CELF4: variants seen among roughly 807,000 people sequenced by gnomAD.
The protein encoded by CELF4 is CUGBP Elav-like family member 4.
In CELF4, 18 loss-of-function variants were observed where a neutral mutation model predicts 59.9. The observed-to-expected ratio is 0.30, with a 90% confidence interval of 0.21 to 0.45. The LOEUF (loss-of-function observed/expected upper bound fraction) is 0.45, where lower values mean the gene tolerates loss of function less well. Among genes scored for constraint, CELF4 ranks in the 20% least tolerant of loss-of-function variants. CELF4 has a pLI of 1.00. For synonymous variants in CELF4, 261 were observed against 267.1 expected, an observed-to-expected ratio of 0.98 and a Z score of 0.22; for missense variants, 456 against 689.0, an observed-to-expected ratio of 0.66 and a Z score of 3.79.
chr18:37,291,038 T>C (rs1262609361), intron 3 of CELF4, among the ~76,000 whole-genome samples: 1 of 152,142 alleles, frequency 6.6e-6, no homozygotes, highest in Non-Finnish European at 1.5e-5. Context: ...GCCTCTTGAG[T>C]AGCTGGGATT....
At chr18:37,485,670 CT>C in intron 1 of CELF4, 63 bp from the exon 2 acceptor site, 1 of 1,117,344 alleles carries the variant, frequency 8.9e-7, no homozygotes. Context: ...CCGACGCGCC[CT>C]GCCGCCCGCC....
intron 2 of CELF4, among the ~76,000 whole-genome samples, chr18:37,466,246 G>C (rs1212356346): frequency 2.0e-5 from 3 of 152,242 alleles, no homozygotes; most frequent in Admixed American, 2.0e-4. Flanking sequence ...GAGATGTTCC[G>C]AAGGAAGTGG....
chr18:37,564,999 C>A (rs1036381973), intron 1 of CELF4, among the ~76,000 whole-genome samples: 12 of 152,000 alleles, frequency 7.9e-5, no homozygotes, highest in African/African-American at 2.7e-4. Flanking sequence ...CGAGTCCGTC[C>A]GCTCAGCGTC....
chr18:37,285,758 G>A (rs985757142), intron 3 of CELF4, among the ~76,000 whole-genome samples: 1 of 152,188 alleles, frequency 6.6e-6, no homozygotes, highest in Non-Finnish European at 1.5e-5. Flanking sequence ...GGACACCACA[G>A]TGGCTCTATG....
At chr18:37,292,208 T>A (rs1243104044) in intron 3 of CELF4, among the ~76,000 whole-genome samples, 1 of 152,214 alleles carries the variant, frequency 6.6e-6, no homozygotes, top group Non-Finnish European at 1.5e-5. Flanking sequence ...GTTTATGGTA[T>A]TTTTGTTATA....
intron 2 of CELF4, among the ~76,000 whole-genome samples, chr18:37,337,280 C>T (rs533327723): frequency 6.6e-6 from 1 of 152,264 alleles, no homozygotes; most frequent in South Asian, 2.1e-4. Context: ...GACCCACTGC[C>T]TCCCATGGTG....
intron 2 of CELF4, among the ~76,000 whole-genome samples, chr18:37,388,549 G>T (rs189813682): frequency 1.8e-4 from 28 of 151,934 alleles, no homozygotes; most frequent in Admixed American, 1.6e-3. Context: ...CTGGTGTCAT[G>T]CCCTCTCTAG....
At chr18:37,366,499 C>A (rs929052973) in intron 2 of CELF4, among the ~76,000 whole-genome samples, 2 of 152,180 alleles carry the variant, frequency 1.3e-5, no homozygotes, top group African/African-American at 4.8e-5. Context: ...GGTGCAGGGG[C>A]TGCAGTGTGC....
At chr18:37,372,247 A>G (rs1162678194) in intron 2 of CELF4, among the ~76,000 whole-genome samples, 1 of 152,266 alleles carries the variant, frequency 6.6e-6, no homozygotes, top group Non-Finnish European at 1.5e-5. Flanking sequence ...TCCACCAATG[A>G]TAGACTGGAT....
In CELF4 at chr18:37,309,831, C is replaced by T. The variant is rs74869848; in HGVS notation, c.448+11972G>A. Among the ~76,000 whole-genome samples, 691 of 147,580 alleles carry T rather than the reference C, an allele frequency of 4.7e-3. 7 individuals are homozygous for T. Among genetic ancestry groups the T allele is most frequent in the African/African-American group, 0.016 (644 of 39,802 alleles). ...TTACTTTGAAATATCTAGGATGCCA[C>T]ATTTTTGCCTTGCTTGTCTCTGTTT... is the stretch of plus-strand genomic sequence containing the variant. On this transcript the variant is annotated intron_variant, in intron 3 of 12. Transcript: ENST00000420428.
At position 37,345,840 on chromosome 18, in the gene CELF4, C is replaced by T. The variant is rs575403005; in HGVS notation, c.370-23959G>A. Among the ~76,000 whole-genome samples the T allele has an allele frequency of 6.8e-4, 103 of 152,232 alleles. 1 individual carries two copies. Among genetic ancestry groups the T allele is most frequent in the African/African-American group, 2.0e-3 (85 of 41,546 alleles). ...TCTCCAGTCTCCTGGGTCTCTCCTG[C>T]ATACCTTAGCACTCCCAAAACCACC... On this transcript the variant is annotated intron_variant, in intron 2 of 12. Transcript: ENST00000420428.
At chr18:37,482,676 C>T (rs1482780754) in intron 2 of CELF4, among the ~76,000 whole-genome samples, 1 of 152,124 alleles carries the variant, frequency 6.6e-6, no homozygotes, top group Non-Finnish European at 1.5e-5. Flanking sequence ...CCAATGAAGA[C>T]ATGTGCTAGG....
chr18:37,337,175 A>G (rs1321988256), intron 2 of CELF4, among the ~76,000 whole-genome samples: 1 of 152,118 alleles, frequency 6.6e-6, no homozygotes, highest in Non-Finnish European at 1.5e-5. Flanking sequence ...GGGTCTGGTG[A>G]GCAGGACAGG....
intron 12 of CELF4, among the ~76,000 whole-genome samples, chr18:37,249,062 ACC>A: frequency 6.6e-6 from 1 of 151,932 alleles, no homozygotes; most frequent in East Asian, 1.9e-4. Context: ...TCACAGAAGC[ACC>A]CTAGACTCCT....
intron 2 of CELF4, among the ~76,000 whole-genome samples, chr18:37,343,337 G>C (rs2098126009): frequency 6.9e-6 from 1 of 143,996 alleles, no homozygotes; most frequent in African/African-American, 2.7e-5. Context: ...TTCTGTGTGT[G>C]TGTGTGTGTG....
At chr18:37,537,822 G>A (rs950559624) in intron 1 of CELF4, among the ~76,000 whole-genome samples, 5 of 152,212 alleles carry the variant, frequency 3.3e-5, no homozygotes, top group African/African-American at 9.6e-5. Flanking sequence ...CCTGATCTGG[G>A]AGGGTCTTGG....
chr18:37,360,629 CTG>C (rs2098688433), intron 2 of CELF4, among the ~76,000 whole-genome samples: 1 of 152,216 alleles, frequency 6.6e-6, no homozygotes. Context: ...CAGAGCCTGT[CTG>C]GAGGCAGGCA....
chr18:37,312,144 A>G (rs761316988), intron 3 of CELF4, among the ~76,000 whole-genome samples: 5 of 144,536 alleles, frequency 3.5e-5, no homozygotes, highest in Non-Finnish European at 7.7e-5. Flanking sequence ...AAAAAAAAAA[A>G]GAAGGAACAG....
At chr18:37,381,155 C>T (rs1453982883) in intron 2 of CELF4, among the ~76,000 whole-genome samples, 4 of 151,356 alleles carry the variant, frequency 2.6e-5, no homozygotes, top group Non-Finnish European at 5.9e-5. Flanking sequence ...TCCATCCATC[C>T]ACCTACCATT....
Sources: allele counts gnomAD v4.1 joint callset (sites outside exome capture counted in the v4.1 genomes callset), GRCh38; gene constraint gnomAD v4.1.1; transcripts MANE v1.5; gene names NCBI Gene and HGNC (gene_info 2026-07-23, HGNC 2026-07-21).